Variants in FAT1 observed in about 807,000 individuals in gnomAD.
The protein encoded by FAT1 is protocadherin Fat 1.
In FAT1, 171 loss-of-function variants were observed where a neutral mutation model predicts 329.8. The observed-to-expected ratio is 0.52, with a 90% CI of 0.46 to 0.59. The LOEUF is 0.59. FAT1 is among the 20% of genes least tolerant of loss of function. The probability of loss-of-function intolerance (pLI) is 0.00; values close to 1 mark genes in which losing one functional copy is unlikely to be tolerated. For missense variants in FAT1, 5,672 were observed against 5,774.4 expected (o/e 0.98, Z 0.57); for synonymous variants, 2,233 against 2,228.6 (o/e 1.00, Z -0.06).
chr4:186,656,939 C>A (rs1029372714), intron 3 of FAT1, among the ~76,000 whole-genome samples: 1 of 152,034 alleles, frequency 6.6e-6, no homozygotes, highest in African/African-American at 2.4e-5. Context: ...CCTTCCACTT[C>A]TAGTAAGGGA....
At chr4:186,617,667 A>C in intron 10 of FAT1, 41 bp downstream of exon 10, 1 of 1,475,906 alleles carries the variant, frequency 6.8e-7, no homozygotes, top group African/African-American at 1.4e-5. Flanking sequence ...TCTAAAAATC[A>C]TTTTAAATTA....
At chr4:186,637,124 G>A (rs1342387658) in intron 4 of FAT1, among the ~76,000 whole-genome samples, 2 of 152,094 alleles carry the variant, frequency 1.3e-5, no homozygotes, top group Non-Finnish European at 2.9e-5. Flanking sequence ...TCAGGGGGCC[G>A]GGCATGGCTA....
intron 22 of FAT1, 123 bp downstream of exon 22, chr4:186,599,775 G>T: frequency 5.3e-6 from 4 of 756,104 alleles, no homozygotes; most frequent in Non-Finnish European, 6.4e-6. Context: ...TTCCAACACT[G>T]ACTGCAGTGT....
In FAT1 at chr4:186,609,115, A is replaced by T. The variant is rs141075105; in HGVS notation, c.10206+68T>A. The T allele has an allele frequency of 6.0e-4, 937 of 1,562,632 alleles. 5 individuals are homozygous for T. The African/African-American group carries it at 0.011, about 19-fold the overall frequency. On this transcript the variant is annotated intron_variant, in intron 16 of 26. Coordinates refer to ENST00000441802, the MANE Select transcript of FAT1 (RefSeq NM_005245.4). ...GCTCACACCACGCCCAGCAGACAAG[A>T]GCACAAGGCATTTCTAGTTATTGAT...
chr4:186,643,646 C>T (rs1043711645), intron 3 of FAT1, among the ~76,000 whole-genome samples: 2 of 152,126 alleles, frequency 1.3e-5, no homozygotes, highest in African/African-American at 4.8e-5. Flanking sequence ...CTTTACCTTA[C>T]AGCAATCAAC....
chr4:186,622,852 G>A (rs1046088373), intron 9 of FAT1, among the ~76,000 whole-genome samples: 1 of 152,172 alleles, frequency 6.6e-6, no homozygotes, highest in Non-Finnish European at 1.5e-5. Flanking sequence ...TTCCCCAAAT[G>A]AACTATTATA....
intron 4 of FAT1, 56 bp downstream of exon 4, chr4:186,639,666 C>T: frequency 8.5e-7 from 1 of 1,173,588 alleles, no homozygotes; most frequent in East Asian, 2.3e-5. Context: ...ATTGTTCTTT[C>T]CCATGATACT....
chr4:186,648,514 C>T (rs757752232), intron 3 of FAT1, among the ~76,000 whole-genome samples: 4 of 152,018 alleles, frequency 2.6e-5, no homozygotes, highest in East Asian at 1.9e-4. Context: ...AAATGGATCA[C>T]GGGTGCTAAG....
upstream of FAT1, among the ~76,000 whole-genome samples, chr4:186,725,832 A>T (rs938990870): frequency 1.3e-5 from 2 of 152,224 alleles, no homozygotes; most frequent in Non-Finnish European, 2.9e-5. This position sits in a 1 kb window ranked among gnomAD's most constrained non-coding sequence, Gnocchi z 5.4. Flanking sequence ...GCTTTCCTCC[A>T]GCACGGCCTC....
At chr4:186,643,564 T>A (rs961682822) in intron 3 of FAT1, among the ~76,000 whole-genome samples, 1 of 152,084 alleles carries the variant, frequency 6.6e-6, no homozygotes, top group Non-Finnish European at 1.5e-5. Context: ...GGGATTTTCA[T>A]ACAAAATGAA....
rs756698524 is a variant in FAT1, at chr4:186,599,978, C to G, written c.12023G>C (p.Gly4008Ala). Residue 4008 changes from glycine (G) to alanine (A), a missense_variant, in exon 22 of 27, where the codon GGC (glycine) becomes GCC (alanine). Gly to Ala is a moderately conservative substitution (Grantham distance 60). Coordinates refer to ENST00000441802, the MANE Select transcript of FAT1 (RefSeq NM_005245.4). The part of the protein sequence containing the change: ...HIEESVDVSP[G>A]CFLTATEDCA... ...GTCTTCCGTGGCCGTCAGGAAGCAG[C>G]CTGGAGATACATCCACCGACTCTTC... 2 of 1,613,972 alleles carry G rather than the reference C, an allele frequency of 1.2e-6. No individual in the cohort carries two copies. The highest frequency in any genetic ancestry group is 1.7e-6 in the Non-Finnish European group (2 of 1,179,876).
At chr4:186,713,612 A>G (rs1296664389) in intron 1 of FAT1, among the ~76,000 whole-genome samples, 1 of 152,146 alleles carries the variant, frequency 6.6e-6, no homozygotes. Flanking sequence ...AATATTTATA[A>G]TTCTTCTAGA....
At chr4:186,710,170 A>C (rs466535) in intron 1 of FAT1, among the ~76,000 whole-genome samples, 111,179 of 152,122 alleles carry the variant, frequency 0.73, 41,018 homozygotes, top group Middle Eastern at 0.79. Flanking sequence ...TTTATATTTA[A>C]ATCGTTAAGG....
Position 186,708,502 on chromosome 4 carries a change from G to A in FAT1, c.1326C>T (p.Asp442=), listed in dbSNP as rs2126697006. 1.2e-6 allele frequency: 2 copies of A among 1,613,942 alleles called. No individual in the cohort carries two copies. The highest frequency in any genetic ancestry group is 1.3e-5 in the African/African-American group (1 of 75,038). ...CCAAGACCTTGGTGGACGCTTTTCT[G>A]TCACTTGTTGTTACTTCAAGTTCAA... ...AHFELEVTTS[D]RKASTKVLVK... is the part of the protein sequence containing the mutation. Residue 442 remains aspartate, a synonymous_variant, in exon 2 of 27, where the codon GAC becomes GAT. Coordinates refer to ENST00000441802, the MANE Select transcript of FAT1 (RefSeq NM_005245.4).
In FAT1 at chr4:186,636,228, G is replaced by A. The variant is rs1264389397; in HGVS notation, c.3980C>T (p.Ala1327Val). Residue 1327 changes from alanine (A) to valine (V), a missense_variant, in exon 6 of 27, where the codon GCA (alanine) becomes GTA (valine). Physicochemically the swap from Ala to Val is moderately conservative, Grantham distance 64. Transcript: ENST00000441802. Reference sequence around the variant, plus strand: ...CTTTTGAGGGCGACCATTGTCAACTGCCTTAATCTACAACATTTGGGCAGA... The same window carrying A: ...CTTTTGAGGGCGACCATTGTCAACTACCTTAATCTACAACATTTGGGCAGA... ...AGEYDILSIK[A>V]VDNGRPQKSS... 1 of 1,613,882 alleles carries A rather than the reference G, an allele frequency of 6.2e-7. No homozygotes were observed. The highest frequency in any genetic ancestry group is 2.2e-5 in the East Asian group (1 of 44,886).
At position 186,707,330 on chromosome 4, in the gene FAT1, T is replaced by A. The variant is rs1744678032; in HGVS notation, c.2498A>T (p.Glu833Val). 6.2e-7 allele frequency: 1 copy of A among 1,613,882 alleles called. No individual in the cohort carries two copies. The highest frequency in any genetic ancestry group is 1.7e-5 in the Admixed American group (1 of 60,002). Residue 833 changes from glutamate to valine, a missense_variant, in exon 2 of 27, where the codon GAA becomes GTA. Around this residue, in one of 2 missense-constraint regions of FAT1, gnomAD observed 3,966 missense variants for 3,915.2 expected, o/e 1.01. Transcript: ENST00000441802. ...GATTTCACTATGTACCTCCTTGTCT[T>A]CACTCACTTCCACAAAATAGCTCTC... Reference protein sequence around the residue: ...LQESYFVEVSEDKEVHSEIIQ... With the variant: ...LQESYFVEVSVDKEVHSEIIQ...
rs1246206997 is a variant in FAT1 at position 186,619,309 on chromosome 4, T to C, written c.7277A>G (p.Gln2426Arg). The C allele has an allele frequency of 1.2e-6, 2 of 1,614,070 alleles. No individual in the cohort carries two copies. Among genetic ancestry groups the C allele is most frequent in the Admixed American group, 1.7e-5 (1 of 60,034 alleles). ...DADSSDIDKLQYSILSGNDHK... is the reference protein window; with the variant it reads ...DADSSDIDKLRYSILSGNDHK... ...ATCATTGCCAGACAGAATGGAATAC[T>C]GCAACTTGTCTATGTCTGAACTGTC... Residue 2426 changes from glutamine to arginine, a missense_variant, in exon 10 of 27, where the codon CAG becomes CGG. This residue lies in a region of FAT1 where 3,966 missense variants were observed against 3,915.2 expected (regional missense o/e 1.01). Transcript: ENST00000441802.
At chr4:186,613,854 A>T (rs1739579399) in intron 12 of FAT1, among the ~76,000 whole-genome samples, 1 of 152,250 alleles carries the variant, frequency 6.6e-6, no homozygotes, top group African/African-American at 2.4e-5. Context: ...AATTCAAGAA[A>T]ATATGCTATT....
At chr4:186,622,592 C>T (rs964710537) in intron 9 of FAT1, among the ~76,000 whole-genome samples, 4 of 152,134 alleles carry the variant, frequency 2.6e-5, no homozygotes, top group African/African-American at 4.8e-5. Context: ...AGTGTTTTAC[C>T]TCCTTTTCTT....
Sources: gnomAD v4.1 joint callset for allele counts (sites outside exome capture counted in the v4.1 genomes callset) on GRCh38, gnomAD v4.1.1 for gene constraint, gnomAD v4.1.1 regional missense constraint, Gnocchi (gnomAD v3.1) non-coding constraint, MANE v1.5 for transcripts, NCBI Gene and HGNC (gene_info 2026-07-23, HGNC 2026-07-21) for gene names.